ZPBP: variants seen among roughly 807,000 people sequenced by gnomAD.
ZPBP encodes the protein zona pellucida-binding protein 1.
Under a neutral mutation model 44.8 loss-of-function variants are expected in ZPBP, and 26 were observed. The ratio of observed to expected loss-of-function variants is 0.58; its 90% CI spans 0.43 to 0.81. The LOEUF (loss-of-function observed/expected upper bound fraction) is 0.81. Ranked by LOEUF, ZPBP falls within the 30% of genes least tolerant of loss-of-function variation. The probability of loss-of-function intolerance (pLI) is 0.00; values close to 1 mark genes in which losing one functional copy is unlikely to be tolerated. For synonymous variants in ZPBP, 174 were observed against 153.2 expected, an observed-to-expected ratio of 1.14 and a Z score of -1.00; for missense variants, 409 against 434.0, an observed-to-expected ratio of 0.94 and a Z score of 0.51.
intron 1 of ZPBP, among the ~76,000 whole-genome samples, chr7:49,932,041 C>T (rs367803881): frequency 3.9e-5 from 6 of 152,194 alleles, no homozygotes; most frequent in East Asian, 1.9e-4. Context: ...TGGGAACCTC[C>T]GCCTAGATTT....
intron 2 of ZPBP, among the ~76,000 whole-genome samples, chr7:49,881,912 C>A (rs981420614): frequency 4.6e-5 from 7 of 151,812 alleles, no homozygotes; most frequent in African/African-American, 1.7e-4. Flanking sequence ...TACTCAATTT[C>A]CAATTAATTA....
intron 4 of ZPBP, among the ~76,000 whole-genome samples, chr7:50,035,548 T>G (rs1253206906): frequency 6.6e-6 from 1 of 152,174 alleles, no homozygotes; most frequent in African/African-American, 2.4e-5. Context: ...GAACCACTGA[T>G]CTATAGTCAA....
At chr7:50,011,826 C>T (rs182095087) in intron 6 of ZPBP, among the ~76,000 whole-genome samples, 25 of 152,004 alleles carry the variant, frequency 1.6e-4, no homozygotes, top group Admixed American at 1.0e-3. Context: ...CCAAGGCGGG[C>T]GGATCACAAG....
chr7:49,976,457 C>T (rs911944387), intron 7 of ZPBP, among the ~76,000 whole-genome samples: 1 of 152,090 alleles, frequency 6.6e-6, no homozygotes, highest in Non-Finnish European at 1.5e-5. Flanking sequence ...GATTTCAGCA[C>T]GTAAACATGT....
chr7:50,037,038 T>A (rs1437264363), intron 4 of ZPBP, among the ~76,000 whole-genome samples: 2 of 152,078 alleles, frequency 1.3e-5, no homozygotes, highest in African/African-American at 2.4e-5. Context: ...ACACTATAAA[T>A]ATCTTCATGT....
At chr7:49,855,576 G>C (rs1367981476) in intron 2 of ZPBP, among the ~76,000 whole-genome samples, 1 of 152,240 alleles carries the variant, frequency 6.6e-6, no homozygotes, top group Non-Finnish European at 1.5e-5. Context: ...GACCTGCCAA[G>C]CATTAGGTAG....
intron 2 of ZPBP, among the ~76,000 whole-genome samples, chr7:49,877,462 CAAAAAAA>C (rs1169480763): frequency 0.037 from 258 of 7,034 alleles, 22 homozygotes; most frequent in South Asian, 0.13. Context: ...AACTCTGTCT[CAAAAAAA>C]AAAAAAAAAA....
chr7:50,084,737 G>A (rs1327983526), intron 2 of ZPBP, among the ~76,000 whole-genome samples: 2 of 151,930 alleles, frequency 1.3e-5, no homozygotes, highest in East Asian at 3.9e-4. Flanking sequence ...TACAATAAAA[G>A]AAAATGAAAG....
chr7:49,993,213 T>C (rs142942148), intron 6 of ZPBP, among the ~76,000 whole-genome samples: 74 of 152,184 alleles, frequency 4.9e-4, no homozygotes, highest in African/African-American at 1.8e-3. Flanking sequence ...GGATAAATTA[T>C]ACATAAGAGA....
intron 2 of ZPBP, among the ~76,000 whole-genome samples, chr7:49,899,884 T>C (rs1254574357): frequency 6.6e-6 from 1 of 151,910 alleles, no homozygotes; most frequent in Non-Finnish European, 1.5e-5. Flanking sequence ...ATTCTCAAGA[T>C]GATATGGAAC....
intron 7 of ZPBP, among the ~76,000 whole-genome samples, chr7:49,978,082 T>C (rs1211774358): frequency 8.3e-5 from 3 of 36,274 alleles, no homozygotes; most frequent in African/African-American, 5.8e-4. Context: ...TGGTTTTTTG[T>C]TTTTTTTTTT....
At chr7:50,068,053 C>A (rs1801620512) in intron 3 of ZPBP, among the ~76,000 whole-genome samples, 4 of 152,144 alleles carry the variant, frequency 2.6e-5, no homozygotes, top group Admixed American at 2.6e-4. Context: ...AAAGCTGGAG[C>A]CTGAGTCAAG....
At chr7:49,942,090 A>G (rs1794911675) in intron 7 of ZPBP, among the ~76,000 whole-genome samples, 1 of 152,188 alleles carries the variant, frequency 6.6e-6, no homozygotes, top group Non-Finnish European at 1.5e-5. Flanking sequence ...TTCTTAGACC[A>G]TATACAAAAA....
At chr7:49,919,406 T>G (rs1793901891) in intron 1 of ZPBP, 2 of 152,206 alleles carry the variant, frequency 1.3e-5, no homozygotes, top group Admixed American at 6.5e-5. Flanking sequence ...ATTTATACTT[T>G]TAAGCAAAAT....
At chr7:49,876,218 G>C (rs1791409187) in intron 2 of ZPBP, among the ~76,000 whole-genome samples, 1 of 152,146 alleles carries the variant, frequency 6.6e-6, no homozygotes, top group African/African-American at 2.4e-5. Flanking sequence ...CGTCCAGATA[G>C]TAAGATACCG....
chr7:50,034,430 C>G (rs1799738960), intron 4 of ZPBP, among the ~76,000 whole-genome samples: 1 of 152,118 alleles, frequency 6.6e-6, no homozygotes, highest in African/African-American at 2.4e-5. Flanking sequence ...ACACCTGATT[C>G]AAACTACAAT....
intron 4 of ZPBP, among the ~76,000 whole-genome samples, chr7:50,045,526 T>C (rs1800309293): frequency 6.6e-6 from 1 of 152,124 alleles, no homozygotes; most frequent in Admixed American, 6.5e-5. Context: ...AGCCAAATCA[T>C]GAGTAAAATC....
At chr7:49,979,960 TTTATA>T (rs1796713940) in intron 7 of ZPBP, among the ~76,000 whole-genome samples, 1 of 111,154 alleles carries the variant, frequency 9.0e-6, no homozygotes, top group Non-Finnish European at 1.7e-5. Context: ...TATTAATATA[TTTATA>T]TTATATATTA....
chr7:50,085,172 G>C (rs187641379), intron 2 of ZPBP, among the ~76,000 whole-genome samples: 4 of 152,184 alleles, frequency 2.6e-5, no homozygotes, highest in Admixed American at 6.5e-5. Flanking sequence ...CAAATACAGA[G>C]GGAAGAGGAT....
Sources: gnomAD v4.1 joint callset for allele counts (sites outside exome capture counted in the v4.1 genomes callset) on GRCh38, gnomAD v4.1.1 for gene constraint, MANE v1.5 for transcripts, NCBI Gene and HGNC (gene_info 2026-07-23, HGNC 2026-07-21) for gene names.